Variants in GLCE observed in about 807,000 individuals in gnomAD.
GLCE encodes the protein D-glucuronyl C5-epimerase.
In GLCE, 19 loss-of-function variants were observed where a neutral mutation model predicts 47.9. The observed-to-expected ratio is 0.40, with a 90% CI of 0.28 to 0.58. The LOEUF is 0.58. Ranked by LOEUF, GLCE falls within the 20% of genes least tolerant of loss-of-function variation. The pLI, the probability that GLCE is intolerant of heterozygous loss-of-function variation, is 0.48. For synonymous variants in GLCE, 245 were observed against 263.4 expected (o/e 0.93, Z 0.68); for missense variants, 556 against 743.3 (o/e 0.75, Z 2.93).
chr15:69,267,843 C>CT (rs34922164), intron 4 of GLCE, among the ~76,000 whole-genome samples: 18,492 of 140,376 alleles, frequency 0.13, 1,393 homozygotes, highest in East Asian at 0.16. Context: ...CAGGTTTTGG[C>CT]TTTTTTTTTT....
intron 3 of GLCE, among the ~76,000 whole-genome samples, chr15:69,258,025 T>A (rs1259865767): frequency 6.6e-6 from 1 of 152,126 alleles, no homozygotes; most frequent in East Asian, 1.9e-4. Context: ...AGTTCAGGGG[T>A]ACATGTGCAG....
chr15:69,213,880 G>A (rs1178558750), intron 2 of GLCE, among the ~76,000 whole-genome samples: 3 of 152,042 alleles, frequency 2.0e-5, no homozygotes, highest in African/African-American at 7.2e-5. Flanking sequence ...ACTTATATCA[G>A]TGTGAACTCA....
chr15:69,226,733 CTTTTTTTTTTTTTT>C (rs61212919), intron 2 of GLCE, among the ~76,000 whole-genome samples: 6 of 42,830 alleles, frequency 1.4e-4, no homozygotes, highest in African/African-American at 5.9e-4. Context: ...GCTTGCTTGC[CTTTTTTTTTTTTTT>C]TTTTTTTTTT....
intron 2 of GLCE, among the ~76,000 whole-genome samples, chr15:69,212,177 G>A (rs1045111722): frequency 6.6e-6 from 1 of 151,634 alleles, no homozygotes; most frequent in Non-Finnish European, 1.5e-5. Context: ...TATCTGATTT[G>A]TATACTAAGA....
chr15:69,202,419 C>T (rs1449873841), intron 1 of GLCE, among the ~76,000 whole-genome samples: 1 of 152,192 alleles, frequency 6.6e-6, no homozygotes, highest in African/African-American at 2.4e-5. Context: ...CTGTTGGTCA[C>T]TGCTCTCAGA....
intron 2 of GLCE, among the ~76,000 whole-genome samples, chr15:69,223,763 G>T (rs1160935470): frequency 2.0e-5 from 3 of 151,406 alleles, no homozygotes; most frequent in Non-Finnish European, 2.9e-5. Context: ...TTTTTCTTCA[G>T]TCTTTTTTTT....
chr15:69,213,140 CAG>C (rs1385281347), intron 2 of GLCE, among the ~76,000 whole-genome samples: 3 of 151,932 alleles, frequency 2.0e-5, no homozygotes, highest in Non-Finnish European at 4.4e-5. Context: ...TAATATAGTA[CAG>C]AGAGTTTTTT....
chr15:69,228,693 T>C (rs2052480722), intron 2 of GLCE, among the ~76,000 whole-genome samples: 1 of 152,160 alleles, frequency 6.6e-6, no homozygotes, highest in Admixed American at 6.5e-5. Context: ...AAGACTAAAT[T>C]TCTTTCTTTT....
At chr15:69,203,438 GC>G (rs1454598011) in intron 1 of GLCE, among the ~76,000 whole-genome samples, 1 of 152,084 alleles carries the variant, frequency 6.6e-6, no homozygotes, top group Admixed American at 6.6e-5. Context: ...TAATAAAACA[GC>G]CTTTGTTTAG....
chr15:69,174,534 T>C (rs1446131491), intron 1 of GLCE, among the ~76,000 whole-genome samples: 1 of 152,132 alleles, frequency 6.6e-6, no homozygotes, highest in Admixed American at 6.5e-5. Context: ...CACTTGAGCC[T>C]GGGAGGTAGA....
intron 1 of GLCE, among the ~76,000 whole-genome samples, chr15:69,164,426 T>A (rs528004900): frequency 6.6e-6 from 1 of 151,696 alleles, no homozygotes; most frequent in African/African-American, 2.4e-5. Context: ...CCAGTTTTCA[T>A]ATATACATAT....
intron 2 of GLCE, among the ~76,000 whole-genome samples, chr15:69,211,926 AC>A (rs1464184517): frequency 6.6e-6 from 1 of 152,016 alleles, no homozygotes; most frequent in Non-Finnish European, 1.5e-5. Flanking sequence ...TCAATTTAAA[AC>A]TTTTTAAAAT....
At position 69,255,789 on chromosome 15, in the gene GLCE, C is replaced by G; in HGVS notation, c.-13-5C>G. 6.5e-7 allele frequency: 1 copy of G among 1,528,556 alleles called. No homozygotes were observed. Among genetic ancestry groups the G allele is most frequent in the Non-Finnish European group, 9.0e-7 (1 of 1,108,234 alleles). The allele number at this position is 1,528,556 out of a possible 1,614,324, so 94.7% of individuals were successfully genotyped here. On this transcript the variant is annotated splice_region_variant and splice_polypyrimidine_tract_variant and intron_variant, in intron 2 of 4. Transcript: ENST00000261858. ...GCATGATTTTTTTTCTTCTTGCCTC[C>G]ATAGGTATGGTCTGAATATGCGTTG...
intron 2 of GLCE, among the ~76,000 whole-genome samples, chr15:69,211,205 T>C (rs371163241): frequency 6.6e-6 from 1 of 152,084 alleles, no homozygotes; most frequent in Non-Finnish European, 1.5e-5. Context: ...ACTATGCTTA[T>C]TTTTTAAGTA....
intron 1 of GLCE, among the ~76,000 whole-genome samples, chr15:69,182,380 G>A (rs903872295): frequency 3.3e-5 from 5 of 149,750 alleles, no homozygotes; most frequent in Non-Finnish European, 7.4e-5. Flanking sequence ...AGAAAATTGC[G>A]CTGAAAGAGA....
chr15:69,246,959 C>T (rs1566967685), intron 2 of GLCE, among the ~76,000 whole-genome samples: 1 of 152,166 alleles, frequency 6.6e-6, no homozygotes. Context: ...AACAGATGTG[C>T]TGTCATCCAG....
intron 1 of GLCE, among the ~76,000 whole-genome samples, chr15:69,195,622 G>A (rs2051976437): frequency 6.6e-6 from 1 of 152,080 alleles, no homozygotes; most frequent in African/African-American, 2.4e-5. Flanking sequence ...TGTTGTCTAA[G>A]ACAATTCTGG....
At chr15:69,190,183 CTT>C (rs2051892395) in intron 1 of GLCE, among the ~76,000 whole-genome samples, 1 of 151,956 alleles carries the variant, frequency 6.6e-6, no homozygotes, top group Non-Finnish European at 1.5e-5. Flanking sequence ...ATCCTTGAAA[CTT>C]AGTGAGAATG....
intron 4 of GLCE, among the ~76,000 whole-genome samples, chr15:69,265,729 G>A (rs763895700): frequency 6.6e-6 from 1 of 152,122 alleles, no homozygotes; most frequent in Admixed American, 6.5e-5. Flanking sequence ...ATTCTGGGAG[G>A]AAATGGGTAC....
Sources: gnomAD v4.1 joint callset for allele counts (sites outside exome capture counted in the v4.1 genomes callset) on GRCh38, gnomAD v4.1.1 for gene constraint, MANE v1.5 for transcripts, NCBI Gene and HGNC (gene_info 2026-07-23, HGNC 2026-07-21) for gene names.